UBE3D: variants seen among roughly 807,000 people sequenced by gnomAD.
The protein encoded by UBE3D is E3 ubiquitin-protein ligase E3D.
Under a neutral mutation model 49.6 loss-of-function variants are expected in UBE3D, and 48 were observed. The ratio of observed to expected loss-of-function variants is 0.97; its 90% CI spans 0.77 to 1.23. The LOEUF is 1.23. UBE3D is among the 50% of genes most tolerant of loss of function. The pLI is 0.00. For synonymous variants in UBE3D, 189 were observed against 174.2 expected (o/e 1.08, Z -0.67); for missense variants, 452 against 468.4 (o/e 0.96, Z 0.32).
chr6:83,019,260 C>A, intron 7 of UBE3D, 124 bp from the exon 8 acceptor site: 13 of 899,462 alleles, frequency 1.4e-5, no homozygotes, highest in East Asian at 6.5e-5. Flanking sequence ...GAATCATGTA[C>A]ATAATTTTAA....
rs201308298 is a variant in UBE3D at position 82,957,333 on chromosome 6, A to C, written c.1128T>G (p.Leu376=). 1.7e-5 allele frequency: 27 copies of C among 1,614,028 alleles called. No homozygotes were observed. The African/African-American group carries it at 2.8e-4, about 17-fold the overall frequency. Residue 376 remains leucine, a synonymous_variant, in exon 9 of 10, where the codon CTT becomes CTG. Transcript: ENST00000369747. ...SKSNANLPSS[L]RRVNSFQVAF... ...TCACCTGAAAGGAATTCACACGGCG[A>C]AGGGATGAAGGCAGATTGGCATTAC...
At chr6:83,038,329 A>C in intron 5 of UBE3D, 87 bp downstream of exon 5, 1 of 1,078,744 alleles carries the variant, frequency 9.3e-7, no homozygotes, top group Non-Finnish European at 1.4e-6. Flanking sequence ...TTAATCATCT[A>C]TCTTTCCTAT....
chr6:83,004,381 T>C (rs1452125134), intron 8 of UBE3D, among the ~76,000 whole-genome samples: 1 of 152,192 alleles, frequency 6.6e-6, no homozygotes. Context: ...CCAACTCTAA[T>C]TCTGGTTTTG....
intron 8 of UBE3D, among the ~76,000 whole-genome samples, chr6:82,975,956 A>AT (rs1777688220): frequency 6.6e-6 from 1 of 152,232 alleles, no homozygotes. Context: ...AGTAGGTATA[A>AT]TATCTATTAT....
At position 82,985,008 on chromosome 6, in the gene UBE3D, C is replaced by CTTTTTTTTTTT. The variant is rs70987727; in HGVS notation, c.1011-27569_1011-27559dup. On this transcript the variant is annotated intron_variant, in intron 8 of 9. Transcript: ENST00000369747. Reference sequence around the variant, plus strand: ...AATTTTTTTCTTTCTTCTTCTTCTTCTTTTTTTTTTTTTTTTTTTTTTTTG... The same window carrying CTTTTTTTTTTT: ...AATTTTTTTCTTTCTTCTTCTTCTTCTTTTTTTTTTTTTTTTTTTTTTTTTTTTTTTTTTTG... Among the ~76,000 whole-genome samples, 99 of 52,954 alleles carry CTTTTTTTTTTT rather than the reference C, an allele frequency of 1.9e-3. 1 individual carries two copies. The highest frequency in any genetic ancestry group is 2.7e-3 in the East Asian group (4 of 1,490). The allele number at this position is 52,954 out of a possible 152,430, so 34.7% of individuals were successfully genotyped here.
intron 9 of UBE3D, among the ~76,000 whole-genome samples, chr6:82,952,072 C>T (rs978347545): frequency 6.6e-6 from 1 of 152,152 alleles, no homozygotes; most frequent in Non-Finnish European, 1.5e-5. Flanking sequence ...GATCACACTA[C>T]CCCTTAAGCA....
At chr6:82,960,997 G>A (rs1484490282) in intron 8 of UBE3D, among the ~76,000 whole-genome samples, 1 of 152,008 alleles carries the variant, frequency 6.6e-6, no homozygotes, top group East Asian at 1.9e-4. Flanking sequence ...TGAATCTCTT[G>A]CCCTGGATTG....
intron 3 of UBE3D, among the ~76,000 whole-genome samples, chr6:83,053,729 A>G (rs1257579983): frequency 1.3e-5 from 2 of 152,216 alleles, no homozygotes; most frequent in East Asian, 3.9e-4. Flanking sequence ...TAGGAAATGG[A>G]TTTTAGAAAG....
chr6:82,992,532 A>G (rs1377091411), intron 8 of UBE3D, among the ~76,000 whole-genome samples: 2 of 152,128 alleles, frequency 1.3e-5, no homozygotes, highest in Non-Finnish European at 2.9e-5. Context: ...TGACATCCAT[A>G]TTCTTTAGGG....
chr6:83,050,332 G>T (rs954098506), intron 3 of UBE3D, among the ~76,000 whole-genome samples: 1 of 151,590 alleles, frequency 6.6e-6, no homozygotes, highest in Admixed American at 6.6e-5. Flanking sequence ...TACAAATGAG[G>T]TTCATTGATC....
At chr6:83,015,914 A>G (rs1415556348) in intron 8 of UBE3D, among the ~76,000 whole-genome samples, 1 of 152,160 alleles carries the variant, frequency 6.6e-6, no homozygotes, top group Non-Finnish European at 1.5e-5. Flanking sequence ...TTCTGGCAAG[A>G]AAGTTTCATT....
At chr6:82,898,794 T>A (rs1164685488) in intron 9 of UBE3D, among the ~76,000 whole-genome samples, 2 of 152,152 alleles carry the variant, frequency 1.3e-5, no homozygotes, top group African/African-American at 4.8e-5. Context: ...AACTGCACAT[T>A]CTGCACATGT....
intron 5 of UBE3D, among the ~76,000 whole-genome samples, chr6:83,031,153 G>A (rs914999177): frequency 3.9e-5 from 6 of 152,114 alleles, no homozygotes; most frequent in Non-Finnish European, 8.8e-5. Flanking sequence ...GCCTACAGGC[G>A]TGCACCAATA....
At chr6:82,959,027 C>T (rs909728396) in intron 8 of UBE3D, among the ~76,000 whole-genome samples, 6 of 152,106 alleles carry the variant, frequency 3.9e-5, no homozygotes, top group Admixed American at 6.5e-5. Flanking sequence ...TTTGGGTCCA[C>T]TGCAGTCTCC....
chr6:82,941,038 C>G lies in UBE3D; in HGVS notation c.1149+16274G>C, dbSNP rs534610583. ...GACGAGCCTGGCCAATACGGTGAAA[C>G]CCCATCTCTATTAAAAACACAAAAA... On this transcript the variant is annotated intron_variant, in intron 9 of 9. Transcript: ENST00000369747. Among the ~76,000 whole-genome samples the G allele has an allele frequency of 3.9e-5, 6 of 152,096 alleles. No homozygotes were observed. In the East Asian group the frequency reaches 1.2e-3, roughly 29 times the overall value.
intron 9 of UBE3D, among the ~76,000 whole-genome samples, chr6:82,919,384 A>C (rs1420150020): frequency 6.6e-6 from 1 of 151,580 alleles, no homozygotes; most frequent in Non-Finnish European, 1.5e-5. Flanking sequence ...CAAGCAGATC[A>C]CGAGGTCAGG....
chr6:83,027,208 C>T (rs560859144), intron 5 of UBE3D, among the ~76,000 whole-genome samples: 6 of 151,438 alleles, frequency 4.0e-5, no homozygotes, highest in African/African-American at 1.5e-4. Flanking sequence ...GAGGCTGAGG[C>T]GGGAGGATCA....
intron 3 of UBE3D, 82 bp downstream of exon 3, chr6:83,054,066 G>T: frequency 8.3e-7 from 1 of 1,200,988 alleles, no homozygotes. Flanking sequence ...TACTCCATTG[G>T]CAATTACTTG....
At chr6:82,989,091 G>T (rs1778711533) in intron 8 of UBE3D, among the ~76,000 whole-genome samples, 1 of 151,916 alleles carries the variant, frequency 6.6e-6, no homozygotes, top group African/African-American at 2.4e-5. Flanking sequence ...AGACTCTTCG[G>T]GCAGAAAAGA....
Sources: allele counts gnomAD v4.1 joint callset (sites outside exome capture counted in the v4.1 genomes callset), GRCh38; gene constraint gnomAD v4.1.1; transcripts MANE v1.5; gene names NCBI Gene and HGNC (gene_info 2026-07-23, HGNC 2026-07-21).